The following CYP2J2 variants were observed in gnomAD, a reference collection of about 807,000 sequenced individuals.
CYP2J2 encodes cytochrome P450 2J2.
A neutral mutation model predicts 48.8 loss-of-function variants in CYP2J2; 41 were observed. That is an observed-to-expected ratio of 0.84 (90% CI 0.66 to 1.09). The LOEUF (loss-of-function observed/expected upper bound fraction) is 1.09. Ranked by LOEUF, CYP2J2 falls within the 50% of genes least tolerant of loss-of-function variation. The probability of loss-of-function intolerance (pLI) is 0.00; values close to 1 mark genes in which losing one functional copy is unlikely to be tolerated. For missense variants in CYP2J2, 644 were observed against 617.3 expected (o/e 1.04, Z -0.46); for synonymous variants, 221 against 227.1 (o/e 0.97, Z 0.24).
At chr1:59,947,932 T>C in the CYP2J2 span, among the ~76,000 whole-genome samples, 1 of 152,192 alleles carries the variant, frequency 6.6e-6, no homozygotes, top group Non-Finnish European at 1.5e-5. Context: ...GTAACCCTTG[T>C]GTCTCTGCCA....
the CYP2J2 span, among the ~76,000 whole-genome samples, chr1:59,944,206 G>A: frequency 6.6e-6 from 1 of 152,160 alleles, no homozygotes; most frequent in East Asian, 1.9e-4. Context: ...ATGCTTCAGA[G>A]AAGGTGTTTG....
the CYP2J2 span, among the ~76,000 whole-genome samples, chr1:59,942,003 A>G: frequency 6.6e-6 from 1 of 152,106 alleles, no homozygotes; most frequent in Non-Finnish European, 1.5e-5. Flanking sequence ...TCACACACTG[A>G]CTCACCCAGA....
At chr1:59,918,971 T>C (rs11572232) in intron 1 of CYP2J2, among the ~76,000 whole-genome samples, 7,437 of 152,190 alleles carry the variant, frequency 0.049, 437 homozygotes, top group African/African-American at 0.14. Flanking sequence ...TACCAAGAGA[T>C]ATAAAGTTTA....
At chr1:59,913,496 C>A (rs1644437176) in intron 2 of CYP2J2, among the ~76,000 whole-genome samples, 1 of 152,154 alleles carries the variant, frequency 6.6e-6, no homozygotes, top group Non-Finnish European at 1.5e-5. Flanking sequence ...TGACTTTTCA[C>A]CCATGCCCAA....
chr1:59,916,218 TGTGTAC>T, intron 1 of CYP2J2, 118 bp from the exon 2 acceptor site: 1 of 765,384 alleles, frequency 1.3e-6, no homozygotes, highest in East Asian at 2.6e-5. Context: ...TGTGTCTGTG[TGTGTAC>T]GTGTGTGTGT....
intron 8 of CYP2J2, among the ~76,000 whole-genome samples, chr1:59,898,420 A>T (rs1234255378): frequency 1.3e-5 from 2 of 152,224 alleles, no homozygotes; most frequent in Non-Finnish European, 2.9e-5. Context: ...TATATCAGCC[A>T]TCAGCCTGTT....
chr1:59,927,242 C>T (rs1005059854), upstream of CYP2J2, among the ~76,000 whole-genome samples: 9 of 152,158 alleles, frequency 5.9e-5, no homozygotes, highest in African/African-American at 1.9e-4. Flanking sequence ...TAAATCCACC[C>T]TTCTGAAACA....
chr1:59,918,262 G>A (rs1295209261), intron 1 of CYP2J2, among the ~76,000 whole-genome samples: 4 of 152,012 alleles, frequency 2.6e-5, no homozygotes, highest in African/African-American at 7.2e-5. Flanking sequence ...GACTAATTTA[G>A]GACATTAAAT....
chr1:59,954,774 G>C, the CYP2J2 span, among the ~76,000 whole-genome samples: 182 of 152,172 alleles, frequency 1.2e-3, no homozygotes, highest in African/African-American at 4.0e-3. Context: ...TGGAATGCAG[G>C]AAGGCATGAA....
the CYP2J2 span, among the ~76,000 whole-genome samples, chr1:59,968,337 C>T: frequency 1.3e-5 from 2 of 152,062 alleles, no homozygotes; most frequent in African/African-American, 2.4e-5. Flanking sequence ...AGTCGCTCTC[C>T]TCAAACCCTT....
chr1:59,907,709 C>A lies in CYP2J2; in HGVS notation c.1003+77G>T. 3 of 1,514,056 alleles carry A rather than the reference C, an allele frequency of 2.0e-6. 1 individual carries two copies. In the South Asian group the frequency reaches 3.5e-5, roughly 18 times the overall value. The allele number at this position is 1,514,056 out of a possible 1,614,324, so 93.8% of individuals were successfully genotyped here. On this transcript the variant is annotated intron_variant, in intron 6 of 8. Coordinates refer to ENST00000371204, the MANE Select transcript of CYP2J2 (RefSeq NM_000775.4). ...TCTTTTCATCCTACAATGCTATCTTCTGGCCCCGACTTCAGGCAGCACATC... is the reference window on the plus strand; with the variant it reads ...TCTTTTCATCCTACAATGCTATCTTATGGCCCCGACTTCAGGCAGCACATC...
chr1:59,924,650 A>T (rs1351818619), intron 1 of CYP2J2, among the ~76,000 whole-genome samples: 1 of 152,136 alleles, frequency 6.6e-6, no homozygotes, highest in Non-Finnish European at 1.5e-5. Context: ...TGTAAAACAT[A>T]ATACAAACAG....
chr1:59,916,839 T>A (rs1644470601), intron 1 of CYP2J2, among the ~76,000 whole-genome samples: 1 of 152,018 alleles, frequency 6.6e-6, no homozygotes, highest in African/African-American at 2.4e-5. Flanking sequence ...TAATCATGTC[T>A]CAGCCACTTA....
intron 2 of CYP2J2, chr1:59,912,734 AAAGTT>A (rs1644428717): frequency 5.9e-6 from 1 of 168,208 alleles, no homozygotes; most frequent in Non-Finnish European, 1.3e-5. Context: ...TTACATAAGT[AAAGTT>A]AAGTATTTAT....
the CYP2J2 span, among the ~76,000 whole-genome samples, chr1:59,947,424 A>AAG: frequency 1.3e-5 from 2 of 152,214 alleles, no homozygotes; most frequent in African/African-American, 2.4e-5. Context: ...AACAGCACCC[A>AAG]AGAGTGCAGT....
At chr1:59,923,562 TCAAAA>T (rs1247256979) in intron 1 of CYP2J2, among the ~76,000 whole-genome samples, 7 of 151,964 alleles carry the variant, frequency 4.6e-5, no homozygotes, top group African/African-American at 1.2e-4. Flanking sequence ...ATGAATAGTC[TCAAAA>T]CAAACAAAAA....
In CYP2J2 at chr1:59,916,052, A is replaced by C. The variant is rs1294085864; in HGVS notation, c.259T>G (p.Ser87Ala). 1.2e-6 allele frequency: 2 copies of C among 1,613,404 alleles called. No homozygotes were observed. The highest frequency in any genetic ancestry group is 8.5e-7 in the Non-Finnish European group (1 of 1,179,698). The change falls in exon 2 of 9, where the codon TCT becomes GCT. Residue 87 changes from serine (S) to alanine (A), a missense_variant. By Grantham distance (99) the Ser-to-Ala change is moderately conservative (BLOSUM62 1). Coordinates refer to ENST00000371204, the MANE Select transcript of CYP2J2 (RefSeq NM_000775.4). ...GGCAAGCCAGTAATAAGAACTGCAG[A>C]TATGTCACCAAGCTCCAAGCTAAAA... The part of the protein sequence containing the change: ...NLFSLELGDI[S>A]AVLITGLPLI...
chr1:59,909,678 T>A lies in CYP2J2; in HGVS notation c.861+106A>T, dbSNP rs1004473921. The A allele has an allele frequency of 9.2e-6, 7 of 759,456 alleles. No homozygotes were observed. The Admixed American group carries it at 1.3e-4, about 14-fold the overall frequency. 47.0% of individuals were successfully genotyped at this position (759,456 alleles called of 1,614,324 possible). On this transcript the variant is annotated intron_variant, in intron 5 of 8. Transcript: ENST00000371204. ...ACTGTGAGAGAATCAATCTGTGCTATTTTAGGCACCAAGTTTGTGATCATA... is the reference window on the plus strand; with the variant it reads ...ACTGTGAGAGAATCAATCTGTGCTAATTTAGGCACCAAGTTTGTGATCATA...
At chr1:59,910,879 G>T (rs746897650) in intron 4 of CYP2J2, among the ~76,000 whole-genome samples, 5 of 152,076 alleles carry the variant, frequency 3.3e-5, no homozygotes, top group Non-Finnish European at 5.9e-5. Flanking sequence ...TGTGGTGCAG[G>T]GCCCACCAAG....
Sources: allele counts gnomAD v4.1 joint callset (sites outside exome capture counted in the v4.1 genomes callset), GRCh38; gene constraint gnomAD v4.1.1; transcripts MANE v1.5; gene names NCBI Gene and HGNC (gene_info 2026-07-23, HGNC 2026-07-21).